Variants in ASB4 observed in about 807,000 individuals in gnomAD.
ASB4 encodes ankyrin repeat and SOCS box containing 4.
ASB4 carries 35 observed loss-of-function variants against 38.6 expected under a neutral mutation model. The ratio of observed to expected loss-of-function variants is 0.91; its 90% CI spans 0.69 to 1.20. The LOEUF (loss-of-function observed/expected upper bound fraction) is 1.20. Ranked by LOEUF, ASB4 falls within the 50% of genes most tolerant of loss-of-function variation. The pLI is 0.00. For missense variants in ASB4, 557 were observed against 527.2 expected (o/e 1.06, Z -0.55); for synonymous variants, 195 against 201.3 (o/e 0.97, Z 0.26).
At chr7:95,511,537 C>G (rs377150505) in intron 2 of ASB4, among the ~76,000 whole-genome samples, 27 of 152,082 alleles carry the variant, frequency 1.8e-4, no homozygotes, top group East Asian at 1.4e-3. Context: ...AATAATAACC[C>G]TGTAATCACA....
At chr7:95,492,026 C>T (rs1790178725) in intron 1 of ASB4, among the ~76,000 whole-genome samples, 1 of 152,176 alleles carries the variant, frequency 6.6e-6, no homozygotes, top group African/African-American at 2.4e-5. Context: ...GTCCTCTTGC[C>T]ATTTCTCCAC....
At chr7:95,483,135 G>C (rs1205366544), upstream of ASB4, among the ~76,000 whole-genome samples, 1 of 152,208 alleles carries the variant, frequency 6.6e-6, no homozygotes, top group African/African-American at 2.4e-5. Flanking sequence ...ATAGGACCAA[G>C]TAAGTGACGA....
At chr7:95,540,481 T>C (rs749392421), downstream of ASB4, among the ~76,000 whole-genome samples, 19 of 152,310 alleles carry the variant, frequency 1.2e-4, 1 homozygote, top group Non-Finnish European at 2.4e-4. Flanking sequence ...GTAAAGAAAT[T>C]GTACTGAATC....
rs1326929312 is a variant in ASB4 at position 95,515,317 on chromosome 7, C to CT, written c.488-12494dup. On this transcript the variant is annotated intron_variant, in intron 2 of 4. Coordinates refer to ENST00000325885, the MANE Select transcript of ASB4 (RefSeq NM_016116.3). The stretch of plus-strand genomic sequence containing the variant: ...TCTTTCTTTCTTTCTTTCTTTCTTT[C>CT]TTCCTTCCTTCCTTCCTTTCTTTCT... Among the ~76,000 whole-genome samples, 45 of 67,602 alleles carry CT rather than the reference C, an allele frequency of 6.7e-4. 1 individual carries two copies. The highest frequency in any genetic ancestry group is 1.3e-3 in the East Asian group (2 of 1,582). 44.3% of individuals were successfully genotyped at this position (67,602 alleles called of 152,430 possible). A position where few individuals can be genotyped will look rare whatever the true frequency, so the allele number is the denominator to read the frequency against.
At chr7:95,471,768 A>G in the ASB4 span, 3 of 151,968 alleles carry the variant, frequency 2.0e-5, no homozygotes, top group African/African-American at 7.2e-5. Flanking sequence ...TAGCAGGTTA[A>G]TACCAGCTAA....
At position 95,495,884 on chromosome 7, in the gene ASB4, C is replaced by T; in HGVS notation, c.314C>T (p.Pro105Leu). 4.3e-6 allele frequency: 7 copies of T among 1,614,014 alleles called. No individual in the cohort carries two copies. The highest frequency in any genetic ancestry group is 4.2e-6 in the Non-Finnish European group (5 of 1,179,986). ...LDHNATINCRPNGKTPLHVAC... is the reference protein window; with the variant it reads ...LDHNATINCRLNGKTPLHVAC... ...CACAATGCTACAATCAACTGTAGAC[C>T]CAATGGGAAAACCCCTCTTCACGTG... Residue 105 changes from proline (P) to leucine (L), a missense_variant, in exon 2 of 5, where the codon CCC (proline) becomes CTC (leucine). By Grantham distance (98) the Pro-to-Leu change is moderately conservative (BLOSUM62 -3). Coordinates refer to ENST00000325885, the MANE Select transcript of ASB4 (RefSeq NM_016116.3).
At chr7:95,534,257 C>T (rs1045059393) in intron 3 of ASB4, among the ~76,000 whole-genome samples, 1 of 151,930 alleles carries the variant, frequency 6.6e-6, no homozygotes, top group Non-Finnish European at 1.5e-5. Flanking sequence ...GCAGGAGAAT[C>T]GCTTGAACCC....
At chr7:95,481,267 T>A (rs1790019323), upstream of ASB4, among the ~76,000 whole-genome samples, 1 of 152,152 alleles carries the variant, frequency 6.6e-6, no homozygotes, top group Admixed American at 6.6e-5. Context: ...AATAAATCTT[T>A]ACTGGTTCAG....
chr7:95,523,579 C>T lies in ASB4; in HGVS notation c.488-4234C>T, dbSNP rs1389801643. On this transcript the variant is annotated intron_variant, in intron 2 of 4. Transcript: ENST00000325885. ...GCTTAGTGAGGTAATTAGTCTTATG[C>T]ATCACAGAGAGAGATAAAAATATAA... Among the ~76,000 whole-genome samples, 3 of 152,158 alleles carry T rather than the reference C, an allele frequency of 2.0e-5. No individual in the cohort carries two copies. In the East Asian group the frequency reaches 5.8e-4, roughly 29 times the overall value.
At chr7:95,482,400 T>G (rs918699885), upstream of ASB4, among the ~76,000 whole-genome samples, 1 of 152,204 alleles carries the variant, frequency 6.6e-6, no homozygotes, top group East Asian at 1.9e-4. Flanking sequence ...CATTCTGAAG[T>G]CATGTTCCCT....
chr7:95,526,532 C>T (rs144231000), intron 2 of ASB4, among the ~76,000 whole-genome samples: 142 of 152,248 alleles, frequency 9.3e-4, no homozygotes, highest in African/African-American at 3.2e-3. Flanking sequence ...CCTGTGACAC[C>T]GGCCCCAGCT....
intron 2 of ASB4, among the ~76,000 whole-genome samples, chr7:95,503,737 A>C (rs1447584743): frequency 6.6e-6 from 1 of 152,218 alleles, no homozygotes; most frequent in Non-Finnish European, 1.5e-5. Context: ...GGACCACAGA[A>C]GTCCGTTAGA....
chr7:95,542,655 T>G (rs2116667405), downstream of ASB4: 1 of 152,358 alleles, frequency 6.6e-6, no homozygotes, highest in East Asian at 1.9e-4. Context: ...GGTCTCGAAC[T>G]CCTGACCTCA....
At chr7:95,477,184 C>T (rs1585788910), upstream of ASB4, among the ~76,000 whole-genome samples, 1 of 151,966 alleles carries the variant, frequency 6.6e-6, no homozygotes, top group East Asian at 1.9e-4. Flanking sequence ...TGTGGCCTGA[C>T]GTGTTAACAC....
Position 95,528,269 on chromosome 7 carries a change from G to T in ASB4, c.944G>T (p.Gly315Val). ...EICYQLLLNH[G>V]AARIYPPQFH... ...TGCTACCAGCTCCTGTTGAACCATG[G>T]GGCTGCCCGAATATACCCTCCACAG... The change falls in exon 3 of 5, where the codon GGG becomes GTG. Residue 315 changes from glycine to valine, a missense_variant. Coordinates refer to ENST00000325885, the MANE Select transcript of ASB4 (RefSeq NM_016116.3). The T allele has an allele frequency of 3.1e-6, 5 of 1,614,096 alleles. No individual in the cohort carries two copies. The highest frequency in any genetic ancestry group is 4.2e-6 in the Non-Finnish European group (5 of 1,180,014).
downstream of ASB4, among the ~76,000 whole-genome samples, chr7:95,544,878 T>A (rs1196293656): frequency 6.6e-6 from 1 of 151,856 alleles, no homozygotes; most frequent in East Asian, 1.9e-4. Flanking sequence ...TATTTTTTGA[T>A]AGACAGGGGG....
chr7:95,499,421 C>G (rs1318723011), intron 2 of ASB4, among the ~76,000 whole-genome samples: 2 of 152,146 alleles, frequency 1.3e-5, no homozygotes, highest in Non-Finnish European at 2.9e-5. Flanking sequence ...TTTGGCAACA[C>G]AAGGACAAAG....
chr7:95,499,337 T>C (rs552810869), intron 2 of ASB4, among the ~76,000 whole-genome samples: 55 of 152,248 alleles, frequency 3.6e-4, no homozygotes, highest in African/African-American at 8.9e-4. Context: ...ATTTCAATGT[T>C]AGAAGGATGA....
chr7:95,514,611 A>G (rs1305969736), intron 2 of ASB4, among the ~76,000 whole-genome samples: 1 of 152,086 alleles, frequency 6.6e-6, no homozygotes, highest in Non-Finnish European at 1.5e-5. Flanking sequence ...CAGGCATGCA[A>G]CCTATCAGGT....
Sources: allele counts gnomAD v4.1 joint callset (sites outside exome capture counted in the v4.1 genomes callset), GRCh38; gene constraint gnomAD v4.1.1; transcripts MANE v1.5; gene names NCBI Gene and HGNC (gene_info 2026-07-23, HGNC 2026-07-21).